VPS8: variants seen among roughly 807,000 people sequenced by gnomAD.
VPS8 encodes VPS8 subunit of CORVET complex, also known as vacuolar protein sorting-associated protein 8 homolog.
Under a neutral mutation model 216.4 loss-of-function variants are expected in VPS8, and 129 were observed. That is an observed-to-expected ratio of 0.60 (90% CI 0.52 to 0.69). The LOEUF (loss-of-function observed/expected upper bound fraction) is 0.69, where lower values mean the gene tolerates loss of function less well. Ranked by LOEUF, VPS8 falls within the 30% of genes least tolerant of loss-of-function variation. VPS8 has a pLI of 0.00. For missense variants in VPS8, 1,531 were observed against 1,683.5 expected (o/e 0.91, Z 1.59); for synonymous variants, 571 against 565.4 (o/e 1.01, Z -0.14).
rs187005330 is a variant in VPS8, at chr3:184,903,430, T to A, written c.2146+2458T>A. 1.1e-3 allele frequency among the ~76,000 whole-genome samples: 165 copies of A among 152,260 alleles called. 2 individuals carry two copies. The highest frequency in any genetic ancestry group is 2.1e-3 in the Non-Finnish European group (144 of 68,010). On this transcript the variant is annotated intron_variant, in intron 25 of 47. Coordinates refer to ENST00000625842, the MANE Select transcript of VPS8 (RefSeq NM_001009921.3). ...TTTTCTAATGTATGAATGTGGTATG[T>A]TTTTCTATTTTTATCTTTTTAAAAA...
At chr3:184,904,847 A>C (rs891941786) in intron 25 of VPS8, among the ~76,000 whole-genome samples, 1 of 152,142 alleles carries the variant, frequency 6.6e-6, no homozygotes, top group Non-Finnish European at 1.5e-5. Context: ...CTTTATTGGA[A>C]GTTTTAAAAT....
chr3:184,926,219 T>C (rs66925212), intron 30 of VPS8, among the ~76,000 whole-genome samples: 75,151 of 150,608 alleles, frequency 0.5, 20,393 homozygotes, highest in Middle Eastern at 0.64. Flanking sequence ...ACTAAAAAAA[T>C]ACAAAAAATG....
intron 36 of VPS8, among the ~76,000 whole-genome samples, chr3:184,954,862 A>G (rs1283710938): frequency 6.6e-6 from 1 of 152,254 alleles, no homozygotes; most frequent in Non-Finnish European, 1.5e-5. Flanking sequence ...ATGGACAATT[A>G]TCAATCATTA....
At chr3:184,936,146 G>A (rs976037676) in intron 34 of VPS8, 100 bp from the exon 35 acceptor site, 3 of 961,306 alleles carry the variant, frequency 3.1e-6, no homozygotes, top group African/African-American at 1.6e-5. Context: ...CAGCATGGAA[G>A]CTTGCGACTG....
At chr3:184,875,740 A>G (rs2108805264) in intron 21 of VPS8, among the ~76,000 whole-genome samples, 1 of 149,698 alleles carries the variant, frequency 6.7e-6, no homozygotes, top group Non-Finnish European at 1.5e-5. Context: ...CAATCTCAGC[A>G]TTTTGGGAGG....
intron 47 of VPS8, among the ~76,000 whole-genome samples, chr3:185,050,232 A>T (rs1458031650): frequency 6.6e-6 from 1 of 151,866 alleles, no homozygotes; most frequent in East Asian, 1.9e-4. Flanking sequence ...CGTACATAAC[A>T]GTCATTGCAG....
chr3:184,935,869 T>C (rs1324746377), intron 34 of VPS8, among the ~76,000 whole-genome samples: 1 of 152,196 alleles, frequency 6.6e-6, no homozygotes, highest in Non-Finnish European at 1.5e-5. Context: ...ATTACAACTA[T>C]TCTTTCTCGT....
chr3:184,935,277 G>A lies in VPS8; in HGVS notation c.2899-969G>A, dbSNP rs531332350. On this transcript the variant is annotated intron_variant, in intron 34 of 47. Coordinates refer to ENST00000625842, the MANE Select transcript of VPS8 (RefSeq NM_001009921.3). ...AATTCTTGGCATAAATTCATTCATC[G>A]TAGCTTGTTTTTGAATGGCTACAGA... is the stretch of plus-strand genomic sequence containing the variant. 1.2e-3 allele frequency among the ~76,000 whole-genome samples: 176 copies of A among 152,070 alleles called. 2 individuals are homozygous for A. The highest frequency in any genetic ancestry group is 4.1e-3 in the African/African-American group (169 of 41,464).
chr3:185,051,012 C>T (rs2108560910), intron 47 of VPS8, among the ~76,000 whole-genome samples: 1 of 152,250 alleles, frequency 6.6e-6, no homozygotes, highest in Non-Finnish European at 1.5e-5. Flanking sequence ...CAGGCAAAGA[C>T]CCTAATCAGG....
At chr3:184,909,446 T>C (rs1273516735) in intron 25 of VPS8, among the ~76,000 whole-genome samples, 1 of 152,194 alleles carries the variant, frequency 6.6e-6, no homozygotes, top group East Asian at 1.9e-4. Context: ...GTGTTCTGTT[T>C]GGTCTTTTTT....
chr3:184,966,279 C>T (rs1032164704), intron 38 of VPS8, among the ~76,000 whole-genome samples: 11 of 152,144 alleles, frequency 7.2e-5, no homozygotes, highest in African/African-American at 1.2e-4. Flanking sequence ...CCAAGCCATT[C>T]GTGACAGATC....
chr3:184,896,473 C>G (rs549022814), intron 23 of VPS8, among the ~76,000 whole-genome samples: 1 of 152,130 alleles, frequency 6.6e-6, no homozygotes, highest in Non-Finnish European at 1.5e-5. Flanking sequence ...TCACTCCTCC[C>G]AGTCACAGCT....
chr3:184,994,472 A>G (rs1348597276), intron 43 of VPS8, among the ~76,000 whole-genome samples: 1 of 145,864 alleles, frequency 6.9e-6, no homozygotes, highest in Non-Finnish European at 1.5e-5. Context: ...CAGGTGACAG[A>G]GCAAGACCCT....
chr3:184,907,946 C>T (rs1374650269), intron 25 of VPS8, among the ~76,000 whole-genome samples: 2 of 152,054 alleles, frequency 1.3e-5, no homozygotes, highest in Admixed American at 6.6e-5. Context: ...TGTGCAAAGC[C>T]CTTTATATGC....
chr3:185,033,366 T>C (rs1209458930), intron 46 of VPS8, among the ~76,000 whole-genome samples: 2 of 152,248 alleles, frequency 1.3e-5, no homozygotes, highest in Non-Finnish European at 2.9e-5. Context: ...TAGAATGGCA[T>C]GTAATCGCAT....
intron 46 of VPS8, among the ~76,000 whole-genome samples, chr3:185,030,063 A>G (rs1425602538): frequency 1.3e-5 from 2 of 152,238 alleles, no homozygotes; most frequent in African/African-American, 4.8e-5. Flanking sequence ...GTGTTTGATC[A>G]TGTATGACCA....
intron 35 of VPS8, among the ~76,000 whole-genome samples, chr3:184,939,730 C>G (rs1169628269): frequency 1.3e-5 from 2 of 152,074 alleles, no homozygotes; most frequent in Admixed American, 6.6e-5. Flanking sequence ...TATTCATGAA[C>G]TTTTTTGGTG....
chr3:184,969,366 T>G (rs1747966551), intron 39 of VPS8, among the ~76,000 whole-genome samples: 2 of 147,612 alleles, frequency 1.4e-5, no homozygotes, highest in Admixed American at 6.8e-5. Context: ...TCTGCCTGCC[T>G]CGGCCTCCCA....
intron 25 of VPS8, among the ~76,000 whole-genome samples, chr3:184,906,873 G>C (rs114001208): frequency 1.7e-3 from 257 of 152,296 alleles, no homozygotes; most frequent in Non-Finnish European, 2.1e-3. Context: ...GCAATTAATT[G>C]TGTTTTCTTT....
Sources: allele counts gnomAD v4.1 joint callset (sites outside exome capture counted in the v4.1 genomes callset), GRCh38; gene constraint gnomAD v4.1.1; transcripts MANE v1.5; gene names NCBI Gene and HGNC (gene_info 2026-07-23, HGNC 2026-07-21).